Variants in NCKAP1 observed in about 807,000 individuals in gnomAD.
The protein encoded by NCKAP1 is nck-associated protein 1.
Under a neutral mutation model 151.2 loss-of-function variants are expected in NCKAP1, and 21 were observed. The ratio of observed to expected loss-of-function variants is 0.14; its 90% CI spans 0.10 to 0.20. The LOEUF (loss-of-function observed/expected upper bound fraction) is 0.20. NCKAP1 is among the 10% of genes least tolerant of loss of function. The probability of loss-of-function intolerance (pLI) is 1.00; values close to 1 mark genes in which losing one functional copy is unlikely to be tolerated. For missense variants in NCKAP1, 933 were observed against 1,352.1 expected (o/e 0.69, Z 4.86); for synonymous variants, 484 against 451.8 (o/e 1.07, Z -0.90).
At chr2:182,950,472 AG>A (rs1481818861) in intron 23 of NCKAP1, among the ~76,000 whole-genome samples, 1 of 152,178 alleles carries the variant, frequency 6.6e-6, no homozygotes, top group East Asian at 1.9e-4. Context: ...ACAGTAGGAT[AG>A]AAAAAAATTA....
At chr2:182,978,294 T>G (rs1697866944) in intron 14 of NCKAP1, among the ~76,000 whole-genome samples, 1 of 152,188 alleles carries the variant, frequency 6.6e-6, no homozygotes, top group Admixed American at 6.5e-5. Flanking sequence ...TGTCAAATAA[T>G]GGCAAGGTGA....
chr2:182,917,292 C>G lies in NCKAP1; in HGVS notation c.*8410G>C, dbSNP rs1373774571. The G allele has an allele frequency of 1.3e-5, 2 of 152,126 alleles. No individual in the cohort carries two copies. Among genetic ancestry groups the G allele is most frequent in the African/African-American group, 4.8e-5 (2 of 41,426 alleles). 9.4% of individuals were successfully genotyped at this position (152,126 alleles called of 1,614,324 possible). On this transcript the variant is annotated 3_prime_UTR_variant, in exon 31 of 31. Transcript: ENST00000361354. ...ATCATACTTCAAGTCATATCCACGT[C>G]CAAAATCCTACCAGGAACCAGTAGC...
chr2:183,028,650 G>A (rs1282203381), intron 1 of NCKAP1, among the ~76,000 whole-genome samples: 1 of 151,954 alleles, frequency 6.6e-6, no homozygotes, highest in East Asian at 1.9e-4. Flanking sequence ...CTACTGCATA[G>A]GGTACACTGT....
intron 15 of NCKAP1, among the ~76,000 whole-genome samples, chr2:182,969,293 A>T (rs1697638182): frequency 6.6e-6 from 1 of 152,250 alleles, no homozygotes; most frequent in Non-Finnish European, 1.5e-5. Flanking sequence ...GAAATCAACA[A>T]GAGGAACTTC....
chr2:183,012,399 A>C (rs940306870), intron 2 of NCKAP1, among the ~76,000 whole-genome samples: 3 of 152,172 alleles, frequency 2.0e-5, no homozygotes, highest in African/African-American at 4.8e-5. Flanking sequence ...TCAAGCCTGT[A>C]AACAGGAATA....
chr2:183,019,028 A>C (rs1351464709), intron 2 of NCKAP1, among the ~76,000 whole-genome samples: 2 of 152,212 alleles, frequency 1.3e-5, no homozygotes. Context: ...CTATAACATA[A>C]AAGATTCCTA....
intron 15 of NCKAP1, among the ~76,000 whole-genome samples, 185 bp downstream of exon 15, chr2:182,976,708 T>C (rs894668152): frequency 6.6e-6 from 1 of 152,154 alleles, no homozygotes; most frequent in African/African-American, 2.4e-5. Flanking sequence ...AAAACTCATA[T>C]TGGCTTAAGT....
chr2:182,996,476 G>A (rs35318802), intron 6 of NCKAP1, among the ~76,000 whole-genome samples: 17,703 of 143,476 alleles, frequency 0.12, 1,583 homozygotes, highest in African/African-American at 0.26. Flanking sequence ...TTTTTTTTTT[G>A]AGACGGAGTC....
At chr2:182,986,108 C>A in intron 10 of NCKAP1, 63 bp downstream of exon 10, 1 of 1,487,484 alleles carries the variant, frequency 6.7e-7, no homozygotes. Context: ...CTCACTTCAA[C>A]AAAATGATGC....
rs200328412 is a variant in NCKAP1 at position 182,956,581 on chromosome 2, C to A, written c.2034G>T (p.Leu678Phe). Residue 678 changes from leucine to phenylalanine, a missense_variant, in exon 20 of 31, where the codon TTG (leucine) becomes TTT (phenylalanine). Leu to Phe is a conservative substitution (Grantham distance 22). This residue lies in a region of NCKAP1 where 326 missense variants were observed against 557.1 expected (regional missense o/e 0.59). Coordinates refer to ENST00000361354, the MANE Select transcript of NCKAP1 (RefSeq NM_013436.5). ...AGCATAACTCAGAAAGTGCAGTGTG[C>A]AATTTATCAAGGCTGAAAAAAATTA... ...NRLVVTNLDKLHTALSELCFS... is the reference protein window; with the variant it reads ...NRLVVTNLDKFHTALSELCFS... 3 of 1,601,354 alleles carry A rather than the reference C, an allele frequency of 1.9e-6. No homozygotes were observed. The highest frequency in any genetic ancestry group is 2.6e-6 in the Non-Finnish European group (3 of 1,175,586).
chr2:183,034,437 G>A (rs747633412), intron 1 of NCKAP1, among the ~76,000 whole-genome samples: 6 of 151,114 alleles, frequency 4.0e-5, no homozygotes, highest in Non-Finnish European at 5.9e-5. Flanking sequence ...AATTTAACAG[G>A]AGGAAAAGAC....
intron 14 of NCKAP1, 64 bp from the exon 15 acceptor site, chr2:182,977,015 C>T: frequency 2.6e-6 from 3 of 1,168,816 alleles, no homozygotes; most frequent in East Asian, 2.7e-5. Context: ...TCTATAAGCA[C>T]ATTTTAAATT....
intron 13 of NCKAP1, among the ~76,000 whole-genome samples, chr2:182,979,597 A>C (rs1697897956): frequency 6.6e-6 from 1 of 152,122 alleles, no homozygotes; most frequent in Non-Finnish European, 1.5e-5. Flanking sequence ...TGAAAATGGT[A>C]AATTTTGTTA....
At chr2:182,997,739 T>A (rs559638460) in intron 6 of NCKAP1, among the ~76,000 whole-genome samples, 1 of 152,144 alleles carries the variant, frequency 6.6e-6, no homozygotes, top group Non-Finnish European at 1.5e-5. Context: ...AGAGGCCACA[T>A]AGATTCACAG....
intron 24 of NCKAP1, among the ~76,000 whole-genome samples, chr2:182,941,451 TA>T (rs1173866400): frequency 6.6e-6 from 1 of 152,150 alleles, no homozygotes; most frequent in Non-Finnish European, 1.5e-5. Flanking sequence ...CATGGATGAA[TA>T]AATCTCAAAA....
chr2:182,963,192 CA>C (rs1237620824), intron 17 of NCKAP1, among the ~76,000 whole-genome samples: 2 of 151,172 alleles, frequency 1.3e-5, no homozygotes, highest in Non-Finnish European at 3.0e-5. Context: ...AAAGTCAAAT[CA>C]AAAAAAAGAT....
chr2:182,984,430 GTGTGT>G (rs1698008565), intron 10 of NCKAP1, among the ~76,000 whole-genome samples: 1 of 133,704 alleles, frequency 7.5e-6, no homozygotes, highest in South Asian at 2.3e-4. Flanking sequence ...TGGGGTGTGT[GTGTGT>G]GTGTGTGTGT....
chr2:182,981,232 GAT>G lies in NCKAP1; in HGVS notation c.1341+10_1341+11del, dbSNP rs753468895. On this transcript the variant is annotated intron_variant, in intron 13 of 30. Coordinates refer to ENST00000361354, the MANE Select transcript of NCKAP1 (RefSeq NM_013436.5). ...AAGGAACAAAAGGGAAATAGTATGA[GAT>G]AGTTTTTACCTGCACGAGTTCATTG... 2.5e-6 allele frequency: 4 copies of G among 1,611,026 alleles called. No homozygotes were observed. The highest frequency in any genetic ancestry group is 3.4e-6 in the Non-Finnish European group (4 of 1,178,626).
intron 24 of NCKAP1, among the ~76,000 whole-genome samples, chr2:182,938,234 G>C (rs1696921545): frequency 6.6e-6 from 1 of 152,110 alleles, no homozygotes; most frequent in Non-Finnish European, 1.5e-5. Context: ...GATAAATATT[G>C]GATAAGGGAA....
Sources: allele counts gnomAD v4.1 joint callset (sites outside exome capture counted in the v4.1 genomes callset), GRCh38; gene constraint gnomAD v4.1.1; regional missense constraint gnomAD v4.1.1; transcripts MANE v1.5; gene names NCBI Gene and HGNC (gene_info 2026-07-23, HGNC 2026-07-21).